Variants in METTL15 observed in about 807,000 individuals in gnomAD.
METTL15 encodes the protein methyltransferase 15, mitochondrial 12S rRNA N4-cytidine.
In METTL15, 34 loss-of-function variants were observed where a neutral mutation model predicts 38.3. That is an observed-to-expected ratio of 0.89 (90% confidence interval 0.68 to 1.18). The LOEUF is 1.18. Ranked by LOEUF, METTL15 falls within the 50% of genes most tolerant of loss-of-function variation. The pLI is 0.00. For synonymous variants in METTL15, 162 were observed against 170.9 expected, an observed-to-expected ratio of 0.95 and a Z score of 0.41; for missense variants, 438 against 498.4, an observed-to-expected ratio of 0.88 and a Z score of 1.15.
chr11:28,217,443 A>G (rs1261517555), intron 4 of METTL15, among the ~76,000 whole-genome samples: 1 of 152,124 alleles, frequency 6.6e-6, no homozygotes, highest in African/African-American at 2.4e-5. Context: ...AGTTCATTGT[A>G]GATTCTGGAT....
downstream of METTL15, among the ~76,000 whole-genome samples, chr11:28,334,268 A>G (rs1849880646): frequency 6.6e-6 from 1 of 152,076 alleles, no homozygotes; most frequent in African/African-American, 2.4e-5. Context: ...CTGGAAAAAG[A>G]AATATTAGGT....
chr11:28,486,029 A>C (rs573468398), intron 6 of METTL15, among the ~76,000 whole-genome samples: 1 of 152,330 alleles, frequency 6.6e-6, no homozygotes, highest in Admixed American at 6.5e-5. Flanking sequence ...GCCTCCAAAT[A>C]TAGACACATT....
chr11:28,529,855 A>G (rs1851834257), downstream of METTL15, among the ~76,000 whole-genome samples: 1 of 152,164 alleles, frequency 6.6e-6, no homozygotes, highest in Admixed American at 6.5e-5. Flanking sequence ...TAGAAAATAA[A>G]TCTTATGTTT....
chr11:28,507,609 G>T (rs1262039609), intron 6 of METTL15, among the ~76,000 whole-genome samples: 1 of 152,106 alleles, frequency 6.6e-6, no homozygotes, highest in African/African-American at 2.4e-5. Context: ...TTCCAGTACA[G>T]AAACCTCGAT....
At chr11:28,495,470 G>C (rs560339491) in intron 6 of METTL15, among the ~76,000 whole-genome samples, 6 of 152,168 alleles carry the variant, frequency 3.9e-5, no homozygotes, top group African/African-American at 9.7e-5. Flanking sequence ...ATGCTTGTAA[G>C]GGGGGTGTCC....
rs544716295 is a variant in METTL15, at chr11:28,396,395, G to A, written c.*359-27904G>A. On this transcript the variant is annotated intron_variant and NMD_transcript_variant, in intron 5 of 7. Coordinates refer to the METTL15 transcript ENST00000532947. ...TAAGCTGATAGGCAACTTCAGCAAAGTCTCAGGATACAAAATCAATGTGCA... is the reference window on the plus strand; with the variant it reads ...TAAGCTGATAGGCAACTTCAGCAAAATCTCAGGATACAAAATCAATGTGCA... Among the ~76,000 whole-genome samples the A allele has an allele frequency of 2.4e-4, 37 of 152,248 alleles. No homozygotes were observed. In the South Asian group the frequency reaches 2.5e-3, roughly 10 times the overall value.
intron 4 of METTL15, among the ~76,000 whole-genome samples, chr11:28,229,651 A>G (rs1245195113): frequency 1.3e-5 from 2 of 151,990 alleles, no homozygotes; most frequent in African/African-American, 4.8e-5. Context: ...AGCAGAGAAC[A>G]TGCCTTCACC....
chr11:28,482,474 A>AGAACAGTACTTG (rs1167077036), intron 6 of METTL15, among the ~76,000 whole-genome samples: 2 of 152,222 alleles, frequency 1.3e-5, no homozygotes, highest in Admixed American at 1.3e-4. Context: ...CAAAGTGCTT[A>AGAACAGTACTTG]GCACAGTACT....
chr11:28,355,037 C>T (rs895154571), intron 4 of METTL15, among the ~76,000 whole-genome samples: 4 of 152,122 alleles, frequency 2.6e-5, no homozygotes, highest in African/African-American at 9.7e-5. Context: ...AAGGTCCCTA[C>T]AGGAGAACTC....
intron 4 of METTL15, among the ~76,000 whole-genome samples, chr11:28,218,611 G>T (rs1226504492): frequency 5.3e-5 from 8 of 152,180 alleles, no homozygotes; most frequent in Non-Finnish European, 1.2e-4. Context: ...TAGGAGTAGT[G>T]AGAGAGGGCG....
chr11:28,141,528 T>TAA (rs200264807), intron 3 of METTL15, among the ~76,000 whole-genome samples: 1 of 147,036 alleles, frequency 6.8e-6, no homozygotes, highest in East Asian at 2.0e-4. Context: ...ACAAAAAAAT[T>TAA]AAAAAAAAAA....
intron 6 of METTL15, among the ~76,000 whole-genome samples, chr11:28,510,562 AT>A (rs1309289088): frequency 1.3e-5 from 2 of 152,090 alleles, no homozygotes; most frequent in Non-Finnish European, 2.9e-5. Flanking sequence ...TCAGTGAACA[AT>A]TTTGAATGCT....
chr11:28,115,947 C>T (rs577691660), intron 3 of METTL15, among the ~76,000 whole-genome samples: 1 of 151,278 alleles, frequency 6.6e-6, no homozygotes, highest in Non-Finnish European at 1.5e-5. Flanking sequence ...CACACACACA[C>T]ACACACACAC....
chr11:28,153,689 C>T (rs1477719012), intron 3 of METTL15, among the ~76,000 whole-genome samples: 1 of 152,108 alleles, frequency 6.6e-6, no homozygotes, highest in Non-Finnish European at 1.5e-5. Context: ...GTGACCCAGT[C>T]TACTGAGTGG....
At chr11:28,136,662 A>T (rs184195572) in intron 3 of METTL15, among the ~76,000 whole-genome samples, 2 of 152,304 alleles carry the variant, frequency 1.3e-5, no homozygotes, top group Admixed American at 1.3e-4. Context: ...CCTATGGAAG[A>T]TTAAACATCA....
intron 5 of METTL15, among the ~76,000 whole-genome samples, chr11:28,401,881 A>G (rs1401361463): frequency 6.6e-6 from 1 of 152,036 alleles, no homozygotes; most frequent in Non-Finnish European, 1.5e-5. Flanking sequence ...CAAGGTCCCT[A>G]TGAAAAATAT....
intron 3 of METTL15, among the ~76,000 whole-genome samples, chr11:28,199,355 A>G (rs987002164): frequency 6.6e-5 from 10 of 152,094 alleles, no homozygotes; most frequent in African/African-American, 2.4e-4. Flanking sequence ...ATATTTGTAG[A>G]TTCTCTTCAA....
At chr11:28,450,901 A>T (rs1457425604) in intron 6 of METTL15, among the ~76,000 whole-genome samples, 1 of 152,162 alleles carries the variant, frequency 6.6e-6, no homozygotes, top group Non-Finnish European at 1.5e-5. Context: ...TACTAATTTA[A>T]TCTATATAAT....
intron 5 of METTL15, among the ~76,000 whole-genome samples, chr11:28,393,011 A>G (rs1344963031): frequency 6.6e-6 from 1 of 152,140 alleles, no homozygotes; most frequent in Non-Finnish European, 1.5e-5. Flanking sequence ...AAAGCAAAAC[A>G]GAACATAACC....
Sources: gnomAD v4.1 joint callset for allele counts (sites outside exome capture counted in the v4.1 genomes callset) on GRCh38, gnomAD v4.1.1 for gene constraint, MANE v1.5 for transcripts, NCBI Gene and HGNC (gene_info 2026-07-23, HGNC 2026-07-21) for gene names.